Variants in MREG observed in about 807,000 individuals in gnomAD.
The protein encoded by MREG is melanoregulin.
In MREG, 31 loss-of-function variants were observed where a neutral mutation model predicts 28.5. The ratio of observed to expected loss-of-function variants is 1.09; its 90% confidence interval spans 0.82 to 1.47. The LOEUF (loss-of-function observed/expected upper bound fraction) is 1.47, where lower values mean the gene tolerates loss of function less well. Among genes scored for constraint, MREG ranks in the 40% most tolerant of loss-of-function variants. MREG has a pLI of 0.00. For missense variants in MREG, 256 were observed against 257.4 expected (o/e 0.99, Z 0.04); for synonymous variants, 106 against 95.2 (o/e 1.11, Z -0.66).
chr2:216,021,482 A>C (rs1010148266), intron 1 of MREG, among the ~76,000 whole-genome samples: 7 of 152,220 alleles, frequency 4.6e-5, no homozygotes, highest in Admixed American at 1.3e-4. Context: ...CTTAGAGTGC[A>C]ACATATAAAG....
intron 2 of MREG, among the ~76,000 whole-genome samples, chr2:215,954,651 G>A (rs1266428283): frequency 6.6e-6 from 1 of 151,854 alleles, no homozygotes; most frequent in African/African-American, 2.4e-5. Flanking sequence ...AGAAAAGAAT[G>A]ACTATTGTTG....
At chr2:215,995,007 T>C (rs1693830194) in intron 2 of MREG, among the ~76,000 whole-genome samples, 1 of 152,184 alleles carries the variant, frequency 6.6e-6, no homozygotes, top group South Asian at 2.1e-4. Flanking sequence ...AGCAGAAACC[T>C]TAACTGGTTA....
intron 2 of MREG, among the ~76,000 whole-genome samples, chr2:215,992,315 A>C (rs1693739707): frequency 6.6e-6 from 1 of 152,352 alleles, no homozygotes; most frequent in Admixed American, 6.5e-5. Flanking sequence ...ATCTTAATAG[A>C]AGCAGAAAAG....
chr2:215,975,410 G>T (rs1574617512), intron 2 of MREG, among the ~76,000 whole-genome samples: 1 of 152,176 alleles, frequency 6.6e-6, no homozygotes, highest in Admixed American at 6.5e-5. Flanking sequence ...CCATAGGCTA[G>T]ATTGACAGCA....
chr2:215,960,875 C>T (rs142822183), intron 2 of MREG, among the ~76,000 whole-genome samples: 330 of 152,148 alleles, frequency 2.2e-3, no homozygotes, highest in African/African-American at 7.1e-3. Context: ...TAAAAAAGCA[C>T]CTGGGCCTGG....
intron 2 of MREG, among the ~76,000 whole-genome samples, chr2:215,950,719 A>G (rs533834995): frequency 1.3e-5 from 2 of 152,200 alleles, no homozygotes; most frequent in Non-Finnish European, 2.9e-5. Context: ...TTAACTAAGA[A>G]TAGACACTTG....
At chr2:216,009,994 C>A (rs1417297249) in intron 1 of MREG, among the ~76,000 whole-genome samples, 1 of 152,190 alleles carries the variant, frequency 6.6e-6, no homozygotes. Context: ...ATGTCCAAGT[C>A]CTAATCCCCA....
chr2:215,957,552 A>G (rs976848369), intron 2 of MREG, among the ~76,000 whole-genome samples: 1 of 152,162 alleles, frequency 6.6e-6, no homozygotes, highest in African/African-American at 2.4e-5. Flanking sequence ...GAGGTCTGAG[A>G]TTCTAAGGAC....
At chr2:215,945,910 T>C (rs1190998438) in intron 3 of MREG, among the ~76,000 whole-genome samples, 176 bp from the exon 4 acceptor site, 1 of 152,180 alleles carries the variant, frequency 6.6e-6, no homozygotes, top group African/African-American at 2.4e-5. Context: ...ATCCATGTGA[T>C]TGGCAGGATA....
intron 1 of MREG, among the ~76,000 whole-genome samples, chr2:216,001,640 C>T (rs977346633): frequency 6.6e-6 from 1 of 152,170 alleles, no homozygotes; most frequent in Non-Finnish European, 1.5e-5. Flanking sequence ...AAACAAAGAA[C>T]TTTTTTCAAA....
At chr2:215,996,186 C>G (rs1693868215) in intron 2 of MREG, 120 bp downstream of exon 2, 1 of 1,106,184 alleles carries the variant, frequency 9.0e-7, no homozygotes, top group Non-Finnish European at 1.2e-6. Context: ...AATACCTGCC[C>G]TTCATTTCAA....
chr2:216,029,164 T>G (rs1018956594), intron 1 of MREG, among the ~76,000 whole-genome samples: 1 of 152,178 alleles, frequency 6.6e-6, no homozygotes, highest in Non-Finnish European at 1.5e-5. Context: ...TGAAAGCAGC[T>G]TGATGGCAGC....
intron 1 of MREG, among the ~76,000 whole-genome samples, chr2:216,029,447 C>G (rs966096904): frequency 7.0e-6 from 1 of 142,908 alleles, no homozygotes; most frequent in Non-Finnish European, 1.5e-5. Context: ...CACTGCACTC[C>G]GCCTGGCGAG....
intron 2 of MREG, among the ~76,000 whole-genome samples, chr2:215,962,187 CCTGACCT>C (rs1477519016): frequency 2.6e-5 from 4 of 151,758 alleles, no homozygotes; most frequent in Admixed American, 1.3e-4. Context: ...GCCAGAGGCC[CCTGACCT>C]AATTCTTTAT....
chr2:216,023,413 G>A (rs1421678659), intron 1 of MREG, among the ~76,000 whole-genome samples: 1 of 152,188 alleles, frequency 6.6e-6, no homozygotes, highest in African/African-American at 2.4e-5. Flanking sequence ...ATTTAAACTA[G>A]CTGTAAACTA....
chr2:216,006,193 A>G (rs1054149644), intron 1 of MREG, among the ~76,000 whole-genome samples: 1 of 152,248 alleles, frequency 6.6e-6, no homozygotes, highest in Non-Finnish European at 1.5e-5. Context: ...GGAACTTCCA[A>G]TGGCACTATG....
intron 2 of MREG, among the ~76,000 whole-genome samples, chr2:215,991,561 T>A (rs1574633958): frequency 1.0e-4 from 15 of 143,194 alleles, no homozygotes; most frequent in East Asian, 2.1e-4. Context: ...TTGAAGGAGG[T>A]AGAGACACGA....
intron 2 of MREG, among the ~76,000 whole-genome samples, chr2:215,970,194 G>C (rs1047709153): frequency 2.6e-5 from 4 of 152,050 alleles, no homozygotes; most frequent in Non-Finnish European, 4.4e-5. Context: ...CAATAAGAAG[G>C]GGAAATTTAG....
chr2:216,003,014 T>C (rs1694059525), intron 1 of MREG, among the ~76,000 whole-genome samples: 1 of 152,086 alleles, frequency 6.6e-6, no homozygotes, highest in Admixed American at 6.6e-5. Flanking sequence ...TTCTTTCTGA[T>C]ACTGGTTTTC....
Sources: allele counts gnomAD v4.1 joint callset (sites outside exome capture counted in the v4.1 genomes callset), GRCh38; gene constraint gnomAD v4.1.1; transcripts MANE v1.5; gene names NCBI Gene and HGNC (gene_info 2026-07-23, HGNC 2026-07-21).